NAT10: variants seen among roughly 807,000 people sequenced by gnomAD.
NAT10 encodes the protein N-acetyltransferase 10.
In NAT10, 109 loss-of-function variants were observed where a neutral mutation model predicts 132.2. The ratio of observed to expected loss-of-function variants is 0.82; its 90% confidence interval spans 0.71 to 0.97. The LOEUF (loss-of-function observed/expected upper bound fraction) is 0.97. NAT10 is among the 50% of genes least tolerant of loss of function. The probability of loss-of-function intolerance (pLI) is 0.00; values close to 1 mark genes in which losing one functional copy is unlikely to be tolerated. For missense variants in NAT10, 1,184 were observed against 1,263.4 expected (o/e 0.94, Z 0.95); for synonymous variants, 479 against 478.0 (o/e 1.00, Z -0.03).
Position 34,124,308 on chromosome 11 carries a change from C to G in NAT10, c.1015C>G (p.Leu339Val). The G allele has an allele frequency of 6.2e-7, 1 of 1,610,240 alleles. No homozygotes were observed. Among genetic ancestry groups the G allele is most frequent in the Non-Finnish European group, 8.5e-7 (1 of 1,178,052 alleles). ...TGGTTTGACTCCCCACCAGGAACAT[C>G]TGGATTATGAGATTATCCAGTCTCT... ...GFDALQYQEH[L>V]DYEIIQSLNP... is the part of the protein sequence containing the mutation. Residue 339 changes from leucine to valine, a missense_variant, in exon 11 of 29, where the codon CTG (leucine) becomes GTG (valine). By Grantham distance (32) the Leu-to-Val change is conservative. Transcript: ENST00000257829.
At position 34,141,340 on chromosome 11, in the gene NAT10, C is replaced by A. The variant is rs11032530; in HGVS notation, c.2712+132C>A. ...ATCTCGTCACACACACACACACACA[C>A]ACACACAAATCCAGGACTTCAGAAC... is the stretch of plus-strand genomic sequence containing the variant. On this transcript the variant is annotated intron_variant, in intron 25 of 28. Transcript: ENST00000257829. The A allele has an allele frequency of 3.9e-6, 5 of 1,285,504 alleles. 1 individual carries two copies. The highest frequency in any genetic ancestry group is 1.5e-5 in the African/African-American group (1 of 67,714). The allele number at this position is 1,285,504 out of a possible 1,614,324, so 79.6% of individuals were successfully genotyped here. A position where few individuals can be genotyped will look rare whatever the true frequency, so the allele number is the denominator to read the frequency against.
chr11:34,144,468 T>A (rs1003486962), intron 28 of NAT10, among the ~76,000 whole-genome samples: 1 of 152,262 alleles, frequency 6.6e-6, no homozygotes, highest in Non-Finnish European at 1.5e-5. Context: ...AGCCGGATAC[T>A]AATGTCTGTG....
At position 34,141,127 on chromosome 11, in the gene NAT10, G is replaced by A. The variant is rs151056003; in HGVS notation, c.2631G>A (p.Val877=). The A allele has an allele frequency of 1.2e-5, 19 of 1,613,974 alleles. No individual in the cohort carries two copies. In the African/African-American group the frequency reaches 2.1e-4, roughly 18 times the overall value. ...LLGIGLQHKS[V]DQLEKEIELP... ...GGATTGGCCTGCAGCATAAGTCTGT[G>A]GACCAGCTGGAAAAGGAGATTGAGC... The change falls in exon 25 of 29, where the codon GTG becomes GTA. Residue 877 remains valine, a synonymous_variant. Transcript: ENST00000257829.
At chr11:34,127,410 C>G in intron 11 of NAT10, 53 bp from the exon 12 acceptor site, 1 of 1,521,494 alleles carries the variant, frequency 6.6e-7, no homozygotes, top group Non-Finnish European at 9.0e-7. Flanking sequence ...CCAGTAATCA[C>G]AGCTGTGACA....
chr11:34,128,547 C>G (rs1354058865), intron 12 of NAT10, among the ~76,000 whole-genome samples: 1 of 152,090 alleles, frequency 6.6e-6, no homozygotes, highest in Non-Finnish European at 1.5e-5. Context: ...AAATATGTAT[C>G]TCCAATATTG....
chr11:34,139,610 A>C, intron 23 of NAT10, 115 bp downstream of exon 23: 1 of 876,672 alleles, frequency 1.1e-6, no homozygotes, highest in South Asian at 1.5e-5. Context: ...TCTAGCCTGC[A>C]GTCACTCGCT....
Position 34,125,330 on chromosome 11 carries a change from T to C in NAT10, c.1107+930T>C, listed in dbSNP as rs139929513. ...GAGACCTGTTAAAACTCAAGAAAAA[T>C]ACACAAACCAAAGAAGGAAAACATT... On this transcript the variant is annotated intron_variant, in intron 11 of 28. Coordinates refer to ENST00000257829, the MANE Select transcript of NAT10 (RefSeq NM_024662.3). 3.8e-4 allele frequency among the ~76,000 whole-genome samples: 58 copies of C among 152,206 alleles called. No homozygotes were observed. The East Asian group carries it at 3.9e-3, about 10-fold the overall frequency.
At chr11:34,136,523 C>T in intron 19 of NAT10, 119 bp from the exon 20 acceptor site, 2 of 1,237,666 alleles carry the variant, frequency 1.6e-6, no homozygotes, top group East Asian at 2.3e-5. Flanking sequence ...CAGCAATAAA[C>T]CAAGAAACCT....
At chr11:34,135,130 G>A (rs913640771) in intron 18 of NAT10, 45 bp from the exon 19 acceptor site, 1 of 1,495,338 alleles carries the variant, frequency 6.7e-7, no homozygotes, top group African/African-American at 1.4e-5. Flanking sequence ...TAGACTGAGA[G>A]CAGCTCTCTT....
intron 12 of NAT10, among the ~76,000 whole-genome samples, chr11:34,129,599 CTTTTTTTTT>C (rs71037399): frequency 5.3e-5 from 3 of 56,726 alleles, no homozygotes; most frequent in Admixed American, 2.9e-4. Context: ...TCTTCTTCTT[CTTTTTTTTT>C]TTTTTTTTTT....
At position 34,139,241 on chromosome 11, in the gene NAT10, T is replaced by G; in HGVS notation, c.2262T>G (p.Asp754Glu). Residue 754 changes from aspartate to glutamate, a missense_variant, in exon 22 of 29, where the codon GAT becomes GAG. Physicochemically the swap from Asp to Glu is conservative, Grantham distance 45. Coordinates refer to ENST00000257829, the MANE Select transcript of NAT10 (RefSeq NM_024662.3). ...HSCIMLKTLT[D>E]EDEADQGGWL... ...GCATCATGCTGAAGACGCTCACTGA[T>G]GAGGATGAGGCTGACCAGGGAGGCT... 6.2e-7 allele frequency: 1 copy of G among 1,613,626 alleles called. No homozygotes were observed. Among genetic ancestry groups the G allele is most frequent in the Non-Finnish European group, 8.5e-7 (1 of 1,179,918 alleles).
chr11:34,135,145 C>A, intron 18 of NAT10, 30 bp from the exon 19 acceptor site: 1 of 1,568,076 alleles, frequency 6.4e-7, no homozygotes, highest in South Asian at 1.1e-5. Context: ...TCTCTTCCCT[C>A]GGCCTCTTCC....
chr11:34,141,946 G>C (rs1394709221), intron 26 of NAT10, 129 bp downstream of exon 26: 2 of 790,220 alleles, frequency 2.5e-6, no homozygotes, highest in Non-Finnish European at 4.1e-6. Flanking sequence ...GTGCTATTCT[G>C]TAGGTTTAAT....
intron 25 of NAT10, 42 bp from the exon 26 acceptor site, chr11:34,141,677 T>A (rs1852334188): frequency 6.3e-7 from 1 of 1,588,968 alleles, no homozygotes; most frequent in African/African-American, 1.3e-5. Flanking sequence ...GGGTCCCTGC[T>A]GCTCCTTCAT....
chr11:34,135,137 T>G (rs909910051), intron 18 of NAT10, 38 bp from the exon 19 acceptor site: 3 of 1,542,092 alleles, frequency 1.9e-6, no homozygotes, highest in Admixed American at 1.7e-5. Flanking sequence ...AGAGCAGCTC[T>G]CTTCCCTCGG....
intron 23 of NAT10, 98 bp from the exon 24 acceptor site, chr11:34,140,302 A>T: frequency 2.6e-6 from 3 of 1,151,240 alleles, no homozygotes; most frequent in Middle Eastern, 2.1e-4. Context: ...AGGCCCTGTT[A>T]GATGCTCCTG....
intron 11 of NAT10, among the ~76,000 whole-genome samples, chr11:34,125,687 G>T: frequency 1.3e-5 from 2 of 152,236 alleles, no homozygotes; most frequent in East Asian, 3.9e-4. Flanking sequence ...GGTTGGCCGG[G>T]CATGGTGGCT....
rs1369171563 is a variant in NAT10 at position 34,130,800 on chromosome 11, C to T, written c.1245-13C>T. 2.5e-6 allele frequency: 4 copies of T among 1,613,636 alleles called. No individual in the cohort carries two copies. The highest frequency in any genetic ancestry group is 3.4e-6 in the Non-Finnish European group (4 of 1,179,788). The stretch of plus-strand genomic sequence containing the variant: ...GGGACCTTGTGCCTGATTCCTTTTG[C>T]CTTTGTTTCTAGCTATGAGGGCACT... On this transcript the variant is annotated splice_polypyrimidine_tract_variant and intron_variant, in intron 12 of 28. Transcript: ENST00000257829.
intron 1 of NAT10, chr11:34,106,277 A>G (rs1851593169): frequency 6.6e-6 from 1 of 152,266 alleles, no homozygotes; most frequent in African/African-American, 2.4e-5. Flanking sequence ...TGCCTGCCAC[A>G]TAGATGTTAT....
Sources: allele counts gnomAD v4.1 joint callset (sites outside exome capture counted in the v4.1 genomes callset), GRCh38; gene constraint gnomAD v4.1.1; transcripts MANE v1.5; gene names NCBI Gene and HGNC (gene_info 2026-07-23, HGNC 2026-07-21).